Variants in KAZN observed in about 807,000 individuals in gnomAD.
KAZN encodes the protein kazrin.
KAZN carries 40 observed loss-of-function variants against 87.4 expected under a neutral mutation model. The observed-to-expected ratio is 0.46, with a 90% CI of 0.36 to 0.60. The LOEUF (loss-of-function observed/expected upper bound fraction) is 0.60. KAZN is among the 20% of genes least tolerant of loss of function. The pLI is 0.00. For synonymous variants in KAZN, 466 were observed against 458.3 expected (o/e 1.02, Z -0.22); for missense variants, 898 against 1,073.9 (o/e 0.84, Z 2.29).
At chr1:14,887,780 T>A (rs1572736176) in intron 1 of KAZN, among the ~76,000 whole-genome samples, 1 of 151,750 alleles carries the variant, frequency 6.6e-6, no homozygotes, top group African/African-American at 2.4e-5. Flanking sequence ...TCGGGCCTAA[T>A]TAGAATGAAA....
chr1:14,034,499 G>A (rs1040015051), intron 1 of KAZN, among the ~76,000 whole-genome samples: 3 of 152,196 alleles, frequency 2.0e-5, no homozygotes, highest in Non-Finnish European at 4.4e-5. Flanking sequence ...ATTCAAAGGT[G>A]TCGAGCTGGG....
chr1:14,135,896 G>T (rs1035671504), intron 1 of KAZN, among the ~76,000 whole-genome samples: 2 of 152,294 alleles, frequency 1.3e-5, no homozygotes, highest in East Asian at 1.9e-4. Context: ...TAAAAATGTA[G>T]GAAATATGTT....
chr1:14,912,580 C>A (rs1054010312), intron 1 of KAZN, among the ~76,000 whole-genome samples: 1 of 152,094 alleles, frequency 6.6e-6, no homozygotes, highest in African/African-American at 2.4e-5. Flanking sequence ...AGGGTTTCAC[C>A]ATGTTGCCCA....
chr1:15,087,300 T>A (rs1305086425), intron 8 of KAZN, among the ~76,000 whole-genome samples: 5 of 151,966 alleles, frequency 3.3e-5, no homozygotes, highest in African/African-American at 1.2e-4. Flanking sequence ...ATGATCAATA[T>A]GTTATCAATT....
chr1:14,581,737 G>T (rs1675562929), intron 2 of KAZN, among the ~76,000 whole-genome samples: 3 of 152,116 alleles, frequency 2.0e-5, no homozygotes, highest in Admixed American at 2.0e-4. Flanking sequence ...TCTCAGACAA[G>T]TCAGGGCCTC....
intron 1 of KAZN, among the ~76,000 whole-genome samples, chr1:14,718,286 C>T (rs1164185778): frequency 2.6e-5 from 4 of 152,206 alleles, no homozygotes; most frequent in African/African-American, 9.6e-5. Flanking sequence ...ATTTGTCCTC[C>T]CGCTTGATGT....
intron 1 of KAZN, among the ~76,000 whole-genome samples, chr1:13,979,018 C>A (rs1459046024): frequency 6.6e-5 from 10 of 151,892 alleles, no homozygotes; most frequent in Non-Finnish European, 1.2e-4. Context: ...ACTGCTTGAG[C>A]CTGGAAGGTT....
chr1:15,043,662 GAGAC>G (rs1673155839), intron 3 of KAZN, among the ~76,000 whole-genome samples: 1 of 37,462 alleles, frequency 2.7e-5, no homozygotes, highest in African/African-American at 7.2e-5. Context: ...TTTTTTTTTT[GAGAC>G]AGAGTCTCGC....
At chr1:14,681,635 ATATATATATATATATATATATATT>A (rs1640616100) in intron 1 of KAZN, among the ~76,000 whole-genome samples, 32 of 41,422 alleles carry the variant, frequency 7.7e-4, no homozygotes, top group Non-Finnish European at 1.1e-3. Flanking sequence ...ATATATATAT[ATATATATATATATATATATATATT>A]TTTTTTTTTT....
Position 14,034,748 on chromosome 1 carries a change from C to G in KAZN, c.91+140992C>G, listed in dbSNP as rs543817501. ...TCGTTGGGTGCACTTAGTGCCTGAT[C>G]AGAATGCAAAGCACCATCAATCCAA... On this transcript the variant is annotated intron_variant, in intron 1 of 16. Coordinates refer to the KAZN transcript ENST00000636203. Among the ~76,000 whole-genome samples, 22 of 152,242 alleles carry G rather than the reference C, an allele frequency of 1.4e-4. No homozygotes were observed. The South Asian group carries it at 4.6e-3, about 32-fold the overall frequency.
At chr1:14,611,012 T>G (rs577465236) in intron 1 of KAZN, among the ~76,000 whole-genome samples, 35 of 152,338 alleles carry the variant, frequency 2.3e-4, no homozygotes, top group Non-Finnish European at 4.4e-4. Context: ...GTGGTCCAGC[T>G]TCATGCCCAG....
At chr1:14,450,846 CCA>C (rs1370831056) in intron 2 of KAZN, among the ~76,000 whole-genome samples, 1 of 151,922 alleles carries the variant, frequency 6.6e-6, no homozygotes, top group South Asian at 2.1e-4. Context: ...GAATTGTAAT[CCA>C]CAGTGTTGGA....
At chr1:14,838,787 A>G (rs1465627321) in intron 1 of KAZN, among the ~76,000 whole-genome samples, 2 of 152,006 alleles carry the variant, frequency 1.3e-5, no homozygotes, top group Non-Finnish European at 2.9e-5. Flanking sequence ...ACACCTGGCT[A>G]ATTTTTGTAT....
chr1:14,467,064 A>AT lies in KAZN; in HGVS notation c.250-131914dup, dbSNP rs556580126. Among the ~76,000 whole-genome samples, 86 of 152,326 alleles carry AT rather than the reference A, an allele frequency of 5.6e-4. 2 individuals carry two copies. Among genetic ancestry groups the AT allele is most frequent in the African/African-American group, 2.0e-3 (83 of 41,568 alleles). On this transcript the variant is annotated intron_variant, in intron 2 of 16. Coordinates refer to the KAZN transcript ENST00000636203. ...TAAACATAAAAGACAGTATAAATAT[A>AT]TTTTTGTAATTCCTTCTATCTGATT...
intron 2 of KAZN, among the ~76,000 whole-genome samples, chr1:14,552,488 T>A (rs1211467291): frequency 1.3e-5 from 2 of 152,244 alleles, no homozygotes; most frequent in African/African-American, 4.8e-5. Flanking sequence ...AAGCTGCAAC[T>A]TGGCGGTTGC....
intron 1 of KAZN, among the ~76,000 whole-genome samples, chr1:14,861,633 T>G (rs954119232): frequency 2.0e-5 from 3 of 152,140 alleles, no homozygotes; most frequent in Admixed American, 6.5e-5. Context: ...TTCATTTTGT[T>G]CAGCTAAGGT....
intron 1 of KAZN, among the ~76,000 whole-genome samples, chr1:14,808,865 T>G (rs1342591192): frequency 6.6e-6 from 1 of 152,102 alleles, no homozygotes; most frequent in African/African-American, 2.4e-5. Context: ...CATTCTGTAT[T>G]TCCTCCCCTG....
At chr1:14,634,453 T>C (rs1679813710) in intron 1 of KAZN, among the ~76,000 whole-genome samples, 1 of 152,272 alleles carries the variant, frequency 6.6e-6, no homozygotes, top group South Asian at 2.1e-4. Flanking sequence ...TACACATACC[T>C]AGCTGCATCT....
At chr1:14,848,223 CTT>C (rs1237614217) in intron 1 of KAZN, among the ~76,000 whole-genome samples, 1 of 152,188 alleles carries the variant, frequency 6.6e-6, no homozygotes, top group Non-Finnish European at 1.5e-5. Flanking sequence ...TGCTTTGCTG[CTT>C]TTCTCTGACC....
Sources: allele counts gnomAD v4.1 joint callset (sites outside exome capture counted in the v4.1 genomes callset), GRCh38; gene constraint gnomAD v4.1.1; transcripts MANE v1.5; gene names NCBI Gene and HGNC (gene_info 2026-07-23, HGNC 2026-07-21).